OCA2: variants seen among roughly 807,000 people sequenced by gnomAD.
OCA2 encodes OCA2 melanosomal transmembrane protein.
A neutral mutation model predicts 100.2 loss-of-function variants in OCA2; 77 were observed. The ratio of observed to expected loss-of-function variants is 0.77; its 90% CI spans 0.64 to 0.93. OCA2 has a LOEUF of 0.93. Among genes scored for constraint, OCA2 ranks in the 40% least tolerant of loss-of-function variants. The pLI is 0.00. For missense variants in OCA2, 1,062 were observed against 1,089.1 expected, an observed-to-expected ratio of 0.98 and a Z score of 0.35; for synonymous variants, 432 against 439.2, an observed-to-expected ratio of 0.98 and a Z score of 0.21.
Position 27,985,095 on chromosome 15 carries a change from T to C in OCA2, c.1333A>G (p.Thr445Ala), listed in dbSNP as rs2041305093. 26 of 1,613,874 alleles carry C rather than the reference T, an allele frequency of 1.6e-5. No homozygotes were observed. The highest frequency in any genetic ancestry group is 2.2e-5 in the Non-Finnish European group (26 of 1,179,920). ...VLSAFLDNVTTMLLFTPVTIR... is the reference protein window; with the variant it reads ...VLSAFLDNVTAMLLFTPVTIR... ...GTCACAGGCGTGAAGAGGAGCATGG[T>C]GGTGACGTTGTCCAAGAAGGCAGAG... The change falls in exon 13 of 24, where the codon ACC becomes GCC. Residue 445 changes from threonine to alanine, a missense_variant. By Grantham distance (58) the Thr-to-Ala change is moderately conservative (BLOSUM62 0). Coordinates refer to ENST00000354638, the MANE Select transcript of OCA2 (RefSeq NM_000275.3).
chr15:27,880,480 T>G (rs1377383618), intron 19 of OCA2, among the ~76,000 whole-genome samples: 1 of 152,234 alleles, frequency 6.6e-6, no homozygotes, highest in African/African-American at 2.4e-5. Context: ...TTCTTCTTCC[T>G]ATCCATGAAC....
At chr15:27,913,056 A>G (rs916960927) in intron 19 of OCA2, among the ~76,000 whole-genome samples, 2 of 152,258 alleles carry the variant, frequency 1.3e-5, no homozygotes, top group East Asian at 3.8e-4. Context: ...AAAAGGGTCC[A>G]GATAGACTAA....
chr15:27,843,221 A>G (rs1163055780), intron 23 of OCA2, among the ~76,000 whole-genome samples: 1 of 152,136 alleles, frequency 6.6e-6, no homozygotes, highest in East Asian at 1.9e-4. Flanking sequence ...GGAGGATGTG[A>G]GAACGACGGC....
chr15:28,024,384 C>G (rs950579039), intron 5 of OCA2, among the ~76,000 whole-genome samples: 3 of 152,198 alleles, frequency 2.0e-5, no homozygotes, highest in African/African-American at 7.2e-5. Flanking sequence ...GAGACACCTC[C>G]CCAGAGGGGG....
chr15:27,954,842 C>A (rs1049246062), intron 17 of OCA2, among the ~76,000 whole-genome samples: 3 of 152,212 alleles, frequency 2.0e-5, no homozygotes, highest in African/African-American at 4.8e-5. Context: ...AAAGTGTGAA[C>A]CTTGGGCCTG....
rs975803816 is a variant in OCA2, at chr15:27,957,496, G to A, written c.1784+92C>T. The A allele has an allele frequency of 7.8e-6, 11 of 1,413,950 alleles. No homozygotes were observed. The highest frequency in any genetic ancestry group is 2.3e-5 in the South Asian group (2 of 86,986). 87.6% of individuals were successfully genotyped at this position (1,413,950 alleles called of 1,614,324 possible). A position where few individuals can be genotyped will look rare whatever the true frequency, so the allele number is the denominator to read the frequency against. ...ACAGTGTGCGTCACCTAAATATCAC[G>A]TATTAGTATACAGCTAATGTCGCTA... On this transcript the variant is annotated intron_variant, in intron 16 of 23. Coordinates refer to ENST00000354638, the MANE Select transcript of OCA2 (RefSeq NM_000275.3). This position sits in a 1 kb window ranked among gnomAD's most constrained non-coding sequence, Gnocchi z 4.3.
At chr15:27,873,277 C>T (rs1315286195) in intron 19 of OCA2, among the ~76,000 whole-genome samples, 1 of 152,208 alleles carries the variant, frequency 6.6e-6, no homozygotes, top group Non-Finnish European at 1.5e-5. Flanking sequence ...CCAGTGGCAC[C>T]TCACCAACAC....
At chr15:28,081,521 T>C in intron 2 of OCA2, 127 bp downstream of exon 2, 2 of 821,332 alleles carry the variant, frequency 2.4e-6, no homozygotes, top group Non-Finnish European at 4.1e-6. Context: ...GAAAGTGATC[T>C]AATGCTGGAA....
intron 23 of OCA2, among the ~76,000 whole-genome samples, chr15:27,811,515 T>TA (rs200320650): frequency 0.031 from 4,762 of 151,502 alleles, 225 homozygotes; most frequent in African/African-American, 0.11. Flanking sequence ...GCTATTGAAA[T>TA]AAAAAAAAAT....
At chr15:27,922,320 G>A (rs1007913507) in intron 19 of OCA2, among the ~76,000 whole-genome samples, 1 of 152,320 alleles carries the variant, frequency 6.6e-6, no homozygotes, top group Non-Finnish European at 1.5e-5. Flanking sequence ...ACTTTTTACT[G>A]CAATAGGCAA....
intron 18 of OCA2, among the ~76,000 whole-genome samples, chr15:27,932,484 TA>T (rs2039289149): frequency 8.3e-6 from 1 of 120,378 alleles, no homozygotes; most frequent in African/African-American, 3.0e-5. Context: ...AGGGCAGAGC[TA>T]GGGGGCGGTG....
At chr15:28,069,062 A>C (rs1566861776) in intron 2 of OCA2, among the ~76,000 whole-genome samples, 1 of 152,152 alleles carries the variant, frequency 6.6e-6, no homozygotes, top group African/African-American at 2.4e-5. Flanking sequence ...CACCACTCCT[A>C]TTCAACAGAG....
At chr15:27,768,839 C>A (rs1423789926) in intron 23 of OCA2, among the ~76,000 whole-genome samples, 1 of 152,240 alleles carries the variant, frequency 6.6e-6, no homozygotes, top group Non-Finnish European at 1.5e-5. Context: ...AGCTCTTTCC[C>A]TGGCACTTCA....
intron 23 of OCA2, among the ~76,000 whole-genome samples, chr15:27,791,593 G>A (rs1476285984): frequency 3.9e-5 from 6 of 152,118 alleles, no homozygotes; most frequent in Non-Finnish European, 7.3e-5. Flanking sequence ...ATGTGGCTAC[G>A]GATTCTTCAA....
At chr15:27,726,943 A>G in the OCA2 span, among the ~76,000 whole-genome samples, 2 of 152,232 alleles carry the variant, frequency 1.3e-5, no homozygotes, top group African/African-American at 4.8e-5. Context: ...TGCACATGGC[A>G]GAAGCTAAAC....
intron 23 of OCA2, among the ~76,000 whole-genome samples, chr15:27,824,598 C>CTATATATA (rs1168393822): frequency 5.0e-5 from 2 of 39,736 alleles, no homozygotes; most frequent in Non-Finnish European, 7.6e-5. Flanking sequence ...CTCTCTCTCT[C>CTATATATA]TCTCTATATA....
At chr15:27,809,800 A>G (rs1307558008) in intron 23 of OCA2, among the ~76,000 whole-genome samples, 2 of 152,228 alleles carry the variant, frequency 1.3e-5, no homozygotes, top group African/African-American at 4.8e-5. Flanking sequence ...ACCTAGGAAT[A>G]TATTTAACCA....
At chr15:27,770,520 C>T (rs572553988) in intron 23 of OCA2, among the ~76,000 whole-genome samples, 1 of 152,342 alleles carries the variant, frequency 6.6e-6, no homozygotes, top group East Asian at 1.9e-4. Flanking sequence ...CCGCAGGCCG[C>T]CGGGCTCGCC....
chr15:27,882,252 T>A (rs185701269), intron 19 of OCA2, among the ~76,000 whole-genome samples: 17 of 152,304 alleles, frequency 1.1e-4, no homozygotes, highest in South Asian at 4.1e-4. Flanking sequence ...TGTAAAAAAA[T>A]TTTCTCTAAG....
Sources: gnomAD v4.1 joint callset for allele counts (sites outside exome capture counted in the v4.1 genomes callset) on GRCh38, gnomAD v4.1.1 for gene constraint, Gnocchi (gnomAD v3.1) non-coding constraint, MANE v1.5 for transcripts, NCBI Gene and HGNC (gene_info 2026-07-23, HGNC 2026-07-21) for gene names.